Variants in ZEB2 observed in about 807,000 individuals in gnomAD.
ZEB2 encodes the protein zinc finger E-box-binding homeobox 2.
In ZEB2, 6 loss-of-function variants were observed where a neutral mutation model predicts 99.9. That is an observed-to-expected ratio of 0.06 (90% confidence interval 0.03 to 0.12). The LOEUF is 0.12. ZEB2 is among the 10% of genes least tolerant of loss of function. The pLI is 1.00. For synonymous variants in ZEB2, 517 were observed against 542.5 expected (o/e 0.95, Z 0.65); for missense variants, 969 against 1,502.8 (o/e 0.64, Z 5.87).
At chr2:144,422,233 T>C (rs1703628055) in intron 4 of ZEB2, among the ~76,000 whole-genome samples, 1 of 152,176 alleles carries the variant, frequency 6.6e-6, no homozygotes, top group African/African-American at 2.4e-5. Flanking sequence ...TCTGGTGCTT[T>C]ATATTCTCCA....
intron 4 of ZEB2, among the ~76,000 whole-genome samples, chr2:144,416,092 C>T (rs938350922): frequency 1.2e-4 from 18 of 152,198 alleles, no homozygotes; most frequent in Admixed American, 2.6e-4. Flanking sequence ...ACCAGAACCG[C>T]GAACTTTCGC....
chr2:144,469,834 G>A (rs1442866669), intron 2 of ZEB2, among the ~76,000 whole-genome samples: 1 of 152,110 alleles, frequency 6.6e-6, no homozygotes, highest in Non-Finnish European at 1.5e-5. Flanking sequence ...CAAATTACTT[G>A]TGCCTTTTAA....
At chr2:144,418,404 G>A (rs1216706926) in intron 4 of ZEB2, among the ~76,000 whole-genome samples, 1 of 152,174 alleles carries the variant, frequency 6.6e-6, no homozygotes, top group Non-Finnish European at 1.5e-5. Context: ...ATAGTTTGAA[G>A]TTGGCCAGGC....
chr2:144,425,816 G>A (rs1221253354), intron 3 of ZEB2, among the ~76,000 whole-genome samples: 1 of 152,058 alleles, frequency 6.6e-6, no homozygotes, highest in Non-Finnish European at 1.5e-5. Flanking sequence ...CAATACTAAT[G>A]AGACCAAATA....
At chr2:144,516,577 C>G (rs1182386921) in intron 2 of ZEB2, 1 of 129,298 alleles carries the variant, frequency 7.7e-6, no homozygotes, top group Non-Finnish European at 1.6e-5. Flanking sequence ...TCTCGCTGCG[C>G]CCTGCGACTC....
Position 144,418,764 on chromosome 2 carries a change from G to T in ZEB2, c.403+6032C>A, listed in dbSNP as rs55780978. Among the ~76,000 whole-genome samples the T allele has an allele frequency of 3.2e-3, 488 of 151,964 alleles. 2 individuals carry two copies. Among genetic ancestry groups the T allele is most frequent in the African/African-American group, 0.011 (443 of 41,478 alleles). On this transcript the variant is annotated intron_variant, in intron 4 of 9. Transcript: ENST00000627532. The stretch of plus-strand genomic sequence containing the variant: ...GGTGAGCATCTAGTCTATGTTAGTT[G>T]TTGTACTGGGTGCTTTAAAAATGGC...
chr2:144,401,752 A>AT (rs947522895), intron 6 of ZEB2, among the ~76,000 whole-genome samples: 3 of 152,270 alleles, frequency 2.0e-5, no homozygotes, highest in African/African-American at 4.8e-5. Flanking sequence ...AAAGTTATCA[A>AT]TTTTTTTGTA....
Position 144,398,869 on chromosome 2 carries a change from T to C in ZEB2, c.2318A>G (p.Glu773Gly). 6.2e-7 allele frequency: 1 copy of C among 1,614,186 alleles called. No individual in the cohort carries two copies. The highest frequency in any genetic ancestry group is 8.5e-7 in the Non-Finnish European group (1 of 1,180,022). Residue 773 changes from glutamate to glycine, a missense_variant, in exon 8 of 10, where the codon GAA becomes GGA. Physicochemically the swap from Glu to Gly is moderately conservative, Grantham distance 98. Transcript: ENST00000627532. ...PSHFTNIKPVEKLDHSRSNTP... is the reference protein window; with the variant it reads ...PSHFTNIKPVGKLDHSRSNTP... ...ATTACTCCTGGAGTGGTCCAATTTT[T>C]CAACTGGTTTAATATTGGTAAAATG...
intron 2 of ZEB2, among the ~76,000 whole-genome samples, chr2:144,483,087 G>A (rs566675027): frequency 6.6e-6 from 1 of 150,746 alleles, no homozygotes; most frequent in African/African-American, 2.4e-5. Flanking sequence ...GTTCATGACA[G>A]AGAGAGAGAA....
chr2:144,498,202 T>C (rs1281659917), intron 2 of ZEB2, among the ~76,000 whole-genome samples: 2 of 133,414 alleles, frequency 1.5e-5, no homozygotes, highest in African/African-American at 5.7e-5. Context: ...ATTGCCCTGC[T>C]AAGCTCATAG....
At chr2:144,401,492 TA>T (rs902199154) in intron 6 of ZEB2, among the ~76,000 whole-genome samples, 185 bp from the exon 7 acceptor site, 12 of 152,112 alleles carry the variant, frequency 7.9e-5, no homozygotes, top group African/African-American at 2.4e-4. Context: ...TTGGAACAAA[TA>T]AAAAAAAGTG....
chr2:144,479,683 T>TGGG lies in ZEB2; in HGVS notation c.73+37592_73+37594dup, dbSNP rs75706490. Reference sequence around the variant, plus strand: ...AGTGAGTGTGTATGCTACTTTTTTTTGGGGGGGGGGGCGGGGGGTGGACTT... The same window carrying TGGG: ...AGTGAGTGTGTATGCTACTTTTTTTTGGGGGGGGGGGGGGCGGGGGGTGGACTT... On this transcript the variant is annotated intron_variant, in intron 2 of 9. Coordinates refer to ENST00000627532, the MANE Select transcript of ZEB2 (RefSeq NM_014795.4). 8.7e-4 allele frequency among the ~76,000 whole-genome samples: 46 copies of TGGG among 52,574 alleles called. 1 individual carries two copies. Among genetic ancestry groups the TGGG allele is most frequent in the Non-Finnish European group, 1.1e-3 (26 of 23,190 alleles). 34.5% of individuals were successfully genotyped at this position (52,574 alleles called of 152,430 possible).
intron 2 of ZEB2, among the ~76,000 whole-genome samples, chr2:144,469,638 A>G (rs1338011405): frequency 1.3e-5 from 2 of 152,152 alleles, no homozygotes; most frequent in Admixed American, 1.3e-4. Context: ...TTGGGCTGTT[A>G]TTTATATGCT....
At chr2:144,481,545 G>C (rs1704511527) in intron 2 of ZEB2, among the ~76,000 whole-genome samples, 1 of 152,166 alleles carries the variant, frequency 6.6e-6, no homozygotes, top group South Asian at 2.1e-4. Context: ...TTCAGGGCAA[G>C]GAAGTATTTT....
At chr2:144,397,854 T>C (rs1703250599) in intron 8 of ZEB2, 1 of 305,230 alleles carries the variant, frequency 3.3e-6, no homozygotes, top group Non-Finnish European at 6.3e-6. Flanking sequence ...TTGGCCAGGC[T>C]GGTCTCAAAC....
At chr2:144,509,167 G>A (rs1174357473) in intron 2 of ZEB2, among the ~76,000 whole-genome samples, 2 of 152,194 alleles carry the variant, frequency 1.3e-5, no homozygotes, top group Non-Finnish European at 2.9e-5. Context: ...CTGAGCGCAA[G>A]GGGCCAGGCA....
At position 144,385,971 on chromosome 2, in the gene ZEB2, A is replaced by T. The variant is rs923948322; in HGVS notation, c.*3480T>A. On this transcript the variant is annotated 3_prime_UTR_variant, in exon 10 of 10. Coordinates refer to ENST00000627532, the MANE Select transcript of ZEB2 (RefSeq NM_014795.4). Reference sequence around the variant, plus strand: ...GCTAAGGAAGATGTATGTTTTGTTTAGCTCTTGCGGAGAAATTCTGATACG... The same window carrying T: ...GCTAAGGAAGATGTATGTTTTGTTTTGCTCTTGCGGAGAAATTCTGATACG... 2.0e-5 allele frequency: 3 copies of T among 152,228 alleles called. No individual in the cohort carries two copies. In the South Asian group the frequency reaches 6.2e-4, roughly 32 times the overall value. The allele number at this position is 152,228 out of a possible 1,614,324, so 9.4% of individuals were successfully genotyped here.
At chr2:144,430,293 T>C (rs1703752858) in intron 2 of ZEB2, among the ~76,000 whole-genome samples, 1 of 152,180 alleles carries the variant, frequency 6.6e-6, no homozygotes, top group Non-Finnish European at 1.5e-5. Flanking sequence ...ACACAAACTA[T>C]GCCTATACTG....
chr2:144,430,483 GAC>G (rs147695024), intron 2 of ZEB2: 53 of 203,944 alleles, frequency 2.6e-4, no homozygotes, highest in South Asian at 7.3e-4. Context: ...AGAAACAGTA[GAC>G]ACACACACAC....
Sources: gnomAD v4.1 joint callset for allele counts (sites outside exome capture counted in the v4.1 genomes callset) on GRCh38, gnomAD v4.1.1 for gene constraint, MANE v1.5 for transcripts, NCBI Gene and HGNC (gene_info 2026-07-23, HGNC 2026-07-21) for gene names.